CLSTN2: variants seen among roughly 807,000 people sequenced by gnomAD.
CLSTN2 encodes the protein calsyntenin-2.
CLSTN2 carries 48 observed loss-of-function variants against 101.2 expected under a neutral mutation model. The ratio of observed to expected loss-of-function variants is 0.47; its 90% confidence interval spans 0.38 to 0.60. CLSTN2 has a LOEUF of 0.60. Among genes scored for constraint, CLSTN2 ranks in the 20% least tolerant of loss-of-function variants. CLSTN2 has a pLI of 0.00. For missense variants in CLSTN2, 1,160 were observed against 1,238.2 expected, an observed-to-expected ratio of 0.94 and a Z score of 0.95; for synonymous variants, 481 against 463.6, an observed-to-expected ratio of 1.04 and a Z score of -0.48.
At chr3:140,433,931 C>T (rs535520415) in intron 5 of CLSTN2, among the ~76,000 whole-genome samples, 2 of 152,212 alleles carry the variant, frequency 1.3e-5, no homozygotes, top group African/African-American at 4.8e-5. Context: ...CCTGCTAATC[C>T]CTTCCTCAGA....
intron 8 of CLSTN2, among the ~76,000 whole-genome samples, chr3:140,522,103 A>AGCATGGTTTCCTG (rs1559893445): frequency 6.6e-6 from 1 of 152,184 alleles, no homozygotes; most frequent in Admixed American, 6.5e-5. Flanking sequence ...CTGTGGGAGA[A>AGCATGGTTTCCTG]GCATGGTTTC....
At chr3:139,989,635 A>G (rs1227734930) in intron 1 of CLSTN2, among the ~76,000 whole-genome samples, 3 of 152,178 alleles carry the variant, frequency 2.0e-5, no homozygotes, top group Admixed American at 1.3e-4. Flanking sequence ...GAGCTCTAAA[A>G]TAGGATGTAA....
intron 1 of CLSTN2, among the ~76,000 whole-genome samples, chr3:140,105,182 T>C (rs2009035488): frequency 6.6e-6 from 1 of 152,214 alleles, no homozygotes; most frequent in Non-Finnish European, 1.5e-5. Flanking sequence ...TCTTATGATA[T>C]ATCATCTTTA....
chr3:140,318,937 C>T (rs1402863841), intron 2 of CLSTN2, among the ~76,000 whole-genome samples: 2 of 152,030 alleles, frequency 1.3e-5, no homozygotes, highest in East Asian at 3.9e-4. Flanking sequence ...ACTTTTCTTC[C>T]CTTCAATGAA....
intron 1 of CLSTN2, among the ~76,000 whole-genome samples, chr3:140,154,053 C>T (rs906972537): frequency 6.6e-6 from 1 of 152,166 alleles, no homozygotes; most frequent in Non-Finnish European, 1.5e-5. Context: ...GACTTGGATT[C>T]CCAAGGGGCA....
At chr3:140,375,147 G>A (rs1479853) in intron 2 of CLSTN2, among the ~76,000 whole-genome samples, 145,660 of 152,272 alleles carry the variant, frequency 0.96, 69,989 homozygotes, top group East Asian at 1. Flanking sequence ...CTGAGGGGAA[G>A]TGTAGCTGAG....
intron 2 of CLSTN2, among the ~76,000 whole-genome samples, chr3:140,360,506 A>G (rs1268800778): frequency 1.3e-5 from 2 of 152,216 alleles, no homozygotes; most frequent in Admixed American, 1.3e-4. Context: ...AACTCAGATG[A>G]CTGAAAAAGT....
At chr3:140,283,830 C>T (rs2086871031) in intron 2 of CLSTN2, among the ~76,000 whole-genome samples, 1 of 152,156 alleles carries the variant, frequency 6.6e-6, no homozygotes, top group Non-Finnish European at 1.5e-5. Flanking sequence ...TCTTTGATTG[C>T]TTCTCCCCTT....
chr3:139,962,767 A>G (rs1295242395), intron 1 of CLSTN2, among the ~76,000 whole-genome samples: 1 of 152,168 alleles, frequency 6.6e-6, no homozygotes, highest in Non-Finnish European at 1.5e-5. Context: ...CATCATCTGT[A>G]TGTACCACAA....
At chr3:140,111,798 C>G (rs1303181446) in intron 1 of CLSTN2, among the ~76,000 whole-genome samples, 1 of 152,050 alleles carries the variant, frequency 6.6e-6, no homozygotes, top group Non-Finnish European at 1.5e-5. Flanking sequence ...TATAGACTGC[C>G]CCCTCTGCAC....
chr3:140,103,998 C>T lies in CLSTN2; in HGVS notation c.110-71953C>T, dbSNP rs117838891. On this transcript the variant is annotated intron_variant, in intron 1 of 16. Transcript: ENST00000458420. ...AGGGAACTGTGAAAGCTGATTAGAA[C>T]GTTTTCTTCACCTTGTTCTTATCAG... Among the ~76,000 whole-genome samples, 579 of 152,236 alleles carry T rather than the reference C, an allele frequency of 3.8e-3. 5 individuals carry two copies. The highest frequency in any genetic ancestry group is 0.01 in the East Asian group (53 of 5,180).
intron 1 of CLSTN2, among the ~76,000 whole-genome samples, chr3:140,154,271 C>A (rs890698218): frequency 1.3e-5 from 2 of 151,930 alleles, no homozygotes; most frequent in Admixed American, 6.6e-5. Context: ...GTATTTCTGG[C>A]CTTCTGGTTG....
At position 140,250,950 on chromosome 3, in the gene CLSTN2, A is replaced by T. The variant is rs528759462; in HGVS notation, c.232+74877A>T. 2.6e-5 allele frequency among the ~76,000 whole-genome samples: 4 copies of T among 152,310 alleles called. No individual in the cohort carries two copies. In the South Asian group the frequency reaches 8.3e-4, roughly 32 times the overall value. On this transcript the variant is annotated intron_variant, in intron 2 of 16. Coordinates refer to ENST00000458420, the MANE Select transcript of CLSTN2 (RefSeq NM_022131.3). ...AAGTGACAACATGGAATTTTAAAGC[A>T]TTTCTTAAGCAGCAGAATTCTGAGA...
At chr3:140,167,962 G>A (rs762118261) in intron 1 of CLSTN2, among the ~76,000 whole-genome samples, 23 of 152,164 alleles carry the variant, frequency 1.5e-4, no homozygotes, top group African/African-American at 4.1e-4. Context: ...ACTAGTTGAC[G>A]GCCATTTTAG....
intron 2 of CLSTN2, among the ~76,000 whole-genome samples, chr3:140,242,192 G>A (rs1169401038): frequency 1.3e-5 from 2 of 152,080 alleles, no homozygotes; most frequent in East Asian, 1.9e-4. Context: ...GATTATAGGT[G>A]TGAGCCACTG....
chr3:140,195,024 T>A (rs373000433), intron 2 of CLSTN2, among the ~76,000 whole-genome samples: 3 of 152,156 alleles, frequency 2.0e-5, no homozygotes, highest in African/African-American at 7.2e-5. Flanking sequence ...GGGATGAAAG[T>A]TCTAGCTTCC....
At chr3:139,986,547 C>A (rs1038741761) in intron 1 of CLSTN2, among the ~76,000 whole-genome samples, 1 of 152,280 alleles carries the variant, frequency 6.6e-6, no homozygotes, top group East Asian at 1.9e-4. Context: ...GAACATTAAG[C>A]TTTCTATCAT....
At chr3:140,509,680 C>A (rs1322061754) in intron 8 of CLSTN2, among the ~76,000 whole-genome samples, 2 of 152,148 alleles carry the variant, frequency 1.3e-5, no homozygotes, top group Non-Finnish European at 2.9e-5. Flanking sequence ...CTGGCATGTC[C>A]CATTCCTCCA....
rs76922562 is a variant in CLSTN2 at position 140,468,701 on chromosome 3, C to T, written c.1344+1970C>T. Among the ~76,000 whole-genome samples, 252 of 152,284 alleles carry T rather than the reference C, an allele frequency of 1.7e-3. 4 individuals carry two copies. The East Asian group carries it at 0.021, about 13-fold the overall frequency. On this transcript the variant is annotated intron_variant, in intron 8 of 16. Transcript: ENST00000458420. ...ACAGCAAACCGTGGGTAGGACCTGC[C>T]CTTTCCATTATGCCCGGCTGCTGCT...
Sources: allele counts gnomAD v4.1 joint callset (sites outside exome capture counted in the v4.1 genomes callset), GRCh38; gene constraint gnomAD v4.1.1; transcripts MANE v1.5; gene names NCBI Gene and HGNC (gene_info 2026-07-23, HGNC 2026-07-21).